FUT9: variants seen among roughly 807,000 people sequenced by gnomAD.
FUT9 encodes the protein 4-galactosyl-N-acetylglucosaminide 3-alpha-L-fucosyltransferase 9.
FUT9 carries 15 observed loss-of-function variants against 29.7 expected under a neutral mutation model. The ratio of observed to expected loss-of-function variants is 0.51; its 90% confidence interval spans 0.34 to 0.78. The LOEUF (loss-of-function observed/expected upper bound fraction) is 0.78. Among genes scored for constraint, FUT9 ranks in the 30% least tolerant of loss-of-function variants. The probability of loss-of-function intolerance (pLI) is 0.01; values close to 1 mark genes in which losing one functional copy is unlikely to be tolerated. For missense variants in FUT9, 319 were observed against 425.4 expected (o/e 0.75, Z 2.20); for synonymous variants, 169 against 153.7 (o/e 1.10, Z -0.74).
At chr6:96,113,850 T>C (rs1181369482) in intron 1 of FUT9, among the ~76,000 whole-genome samples, 189 bp from the exon 2 acceptor site, 1 of 59,330 alleles carries the variant, frequency 1.7e-5, no homozygotes, top group Non-Finnish European at 3.9e-5. Context: ...CGAGACTCCA[T>C]CTCAAAAAAA....
chr6:96,110,343 T>C (rs1356105424), intron 1 of FUT9, among the ~76,000 whole-genome samples: 1 of 152,146 alleles, frequency 6.6e-6, no homozygotes, highest in Non-Finnish European at 1.5e-5. Context: ...CCTCAACTTA[T>C]TATCCATATT....
At chr6:96,082,337 A>T (rs1771250607) in intron 1 of FUT9, among the ~76,000 whole-genome samples, 1 of 151,774 alleles carries the variant, frequency 6.6e-6, no homozygotes, top group East Asian at 1.9e-4. Flanking sequence ...TGAAAATGAC[A>T]CATGTAGAGA....
At chr6:96,056,934 C>T (rs1770782481) in intron 1 of FUT9, among the ~76,000 whole-genome samples, 1 of 151,998 alleles carries the variant, frequency 6.6e-6, no homozygotes, top group Non-Finnish European at 1.5e-5. Context: ...TGCAAGTACC[C>T]ACACAACAAT....
At chr6:96,018,258 A>G (rs938951921) in intron 1 of FUT9, among the ~76,000 whole-genome samples, 8 of 152,196 alleles carry the variant, frequency 5.3e-5, no homozygotes, top group Non-Finnish European at 8.8e-5. Context: ...CAGAATCGAT[A>G]CATCCCAAAT....
At chr6:96,096,952 G>C (rs1393922038) in intron 1 of FUT9, among the ~76,000 whole-genome samples, 5 of 152,024 alleles carry the variant, frequency 3.3e-5, no homozygotes, top group East Asian at 1.9e-4. Context: ...TCTGGTGTTA[G>C]AGCACCCAGC....
intron 2 of FUT9, among the ~76,000 whole-genome samples, chr6:96,163,480 A>G (rs912065013): frequency 6.6e-6 from 1 of 152,180 alleles, no homozygotes; most frequent in Admixed American, 6.5e-5. Flanking sequence ...GCCTTGGCCA[A>G]TCCCAGTGGC....
intron 2 of FUT9, among the ~76,000 whole-genome samples, chr6:96,124,237 C>T (rs549476010): frequency 1.3e-5 from 2 of 150,468 alleles, no homozygotes; most frequent in South Asian, 2.1e-4. Flanking sequence ...CTGCAAGCTC[C>T]GCCTCCCGGG....
intron 2 of FUT9, among the ~76,000 whole-genome samples, chr6:96,185,915 A>T (rs988317073): frequency 4.6e-5 from 7 of 152,136 alleles, no homozygotes; most frequent in Non-Finnish European, 1.0e-4. Flanking sequence ...ATGGAGAAAG[A>T]AATGGAGCCA....
At chr6:96,184,117 A>C (rs1773361564) in intron 2 of FUT9, among the ~76,000 whole-genome samples, 1 of 151,912 alleles carries the variant, frequency 6.6e-6, no homozygotes, top group African/African-American at 2.4e-5. Context: ...TTACCATTTC[A>C]ATCTCACTGC....
intron 2 of FUT9, among the ~76,000 whole-genome samples, chr6:96,144,759 G>C (rs1772533672): frequency 6.6e-6 from 1 of 151,962 alleles, no homozygotes; most frequent in African/African-American, 2.4e-5. Context: ...ATTGCTCTAA[G>C]AATAGATATA....
chr6:96,176,851 A>T (rs1773213673), intron 2 of FUT9, among the ~76,000 whole-genome samples: 2 of 152,160 alleles, frequency 1.3e-5, no homozygotes, highest in African/African-American at 4.8e-5. Context: ...CTTTGGCGCT[A>T]TGACTTTTCA....
At chr6:96,099,284 T>A (rs143250938) in intron 1 of FUT9, among the ~76,000 whole-genome samples, 1 of 152,154 alleles carries the variant, frequency 6.6e-6, no homozygotes, top group Non-Finnish European at 1.5e-5. Context: ...TTTAACTTTA[T>A]GCACATATGG....
intron 2 of FUT9, among the ~76,000 whole-genome samples, chr6:96,140,653 G>T (rs1171312630): frequency 6.6e-6 from 1 of 152,126 alleles, no homozygotes; most frequent in Non-Finnish European, 1.5e-5. Context: ...CTTACATGGT[G>T]GCAGGCAAAA....
intron 1 of FUT9, among the ~76,000 whole-genome samples, chr6:96,098,410 T>A (rs564266160): frequency 6.6e-6 from 1 of 152,302 alleles, no homozygotes; most frequent in South Asian, 2.1e-4. Context: ...TCCACAGTGA[T>A]CTTTCATTTA....
chr6:96,185,846 A>C (rs1174195685), intron 2 of FUT9, among the ~76,000 whole-genome samples: 4 of 152,070 alleles, frequency 2.6e-5, no homozygotes, highest in Non-Finnish European at 4.4e-5. Flanking sequence ...AAGATTGTTT[A>C]TTAGGAATGA....
At chr6:96,053,244 A>C (rs1487471784) in intron 1 of FUT9, among the ~76,000 whole-genome samples, 1 of 152,134 alleles carries the variant, frequency 6.6e-6, no homozygotes, top group Non-Finnish European at 1.5e-5. Flanking sequence ...GGCATTTTTT[A>C]GTTCATTTGG....
chr6:96,049,813 C>A (rs1357294943), intron 1 of FUT9, among the ~76,000 whole-genome samples: 2 of 152,116 alleles, frequency 1.3e-5, no homozygotes, highest in Non-Finnish European at 2.9e-5. Flanking sequence ...ATAATTATAA[C>A]AAGATGATAA....
chr6:96,121,167 G>A (rs1772020565), intron 2 of FUT9, among the ~76,000 whole-genome samples: 1 of 152,128 alleles, frequency 6.6e-6, no homozygotes, highest in South Asian at 2.1e-4. Flanking sequence ...TGATAGTAGG[G>A]TCAAAATCAA....
chr6:96,139,436 T>G (rs9399781), intron 2 of FUT9, among the ~76,000 whole-genome samples: 26,454 of 152,030 alleles, frequency 0.17, 2,699 homozygotes, highest in East Asian at 0.31. Context: ...GCAAGCTGTT[T>G]GTATATCTAT....
Sources: gnomAD v4.1 joint callset for allele counts (sites outside exome capture counted in the v4.1 genomes callset) on GRCh38, gnomAD v4.1.1 for gene constraint, MANE v1.5 for transcripts, NCBI Gene and HGNC (gene_info 2026-07-23, HGNC 2026-07-21) for gene names.